The following GNAL variants were observed in gnomAD, a reference collection of about 807,000 sequenced individuals.
The protein encoded by GNAL is G protein subunit alpha L.
A neutral mutation model predicts 55.1 loss-of-function variants in GNAL; 18 were observed. That is an observed-to-expected ratio of 0.33 (90% confidence interval 0.23 to 0.48). The LOEUF is 0.48. Among genes scored for constraint, GNAL ranks in the 20% least tolerant of loss-of-function variants. GNAL has a pLI of 0.99. For missense variants in GNAL, 412 were observed against 614.1 expected (o/e 0.67, Z 3.48); for synonymous variants, 253 against 237.0 (o/e 1.07, Z -0.62).
chr18:11,862,302 G>C, intron 5 of GNAL, 93 bp from the exon 6 acceptor site: 1 of 907,384 alleles, frequency 1.1e-6, no homozygotes, highest in East Asian at 2.5e-5. Flanking sequence ...CCCCATCCTT[G>C]CTGTACTTGG....
chr18:11,801,391 A>G (rs964040045), intron 4 of GNAL, among the ~76,000 whole-genome samples: 2 of 152,206 alleles, frequency 1.3e-5, no homozygotes, highest in Non-Finnish European at 2.9e-5. Flanking sequence ...TGTTTCTACT[A>G]AAAATATAAA....
chr18:11,799,183 C>T (rs9962277), intron 4 of GNAL, among the ~76,000 whole-genome samples: 36,934 of 151,660 alleles, frequency 0.24, 5,282 homozygotes, highest in African/African-American at 0.4. Context: ...ACTAATGAAC[C>T]CCAGGATCCC....
intron 1 of GNAL, among the ~76,000 whole-genome samples, chr18:11,692,704 C>T (rs1434264515): frequency 1.3e-5 from 2 of 149,340 alleles, no homozygotes; most frequent in East Asian, 4.3e-4. Context: ...ATCACTTGAT[C>T]TCAGGAGTTC....
At chr18:11,782,371 G>A (rs1030351890) in intron 4 of GNAL, among the ~76,000 whole-genome samples, 1 of 152,136 alleles carries the variant, frequency 6.6e-6, no homozygotes, top group South Asian at 2.1e-4. Context: ...CAATGACATG[G>A]ATGGATCTCA....
chr18:11,839,552 CAAA>C (rs3078934), intron 5 of GNAL, among the ~76,000 whole-genome samples: 1 of 81,674 alleles, frequency 1.2e-5, no homozygotes, highest in East Asian at 3.6e-4. Flanking sequence ...GACCTTGCCT[CAAA>C]AAAAAAAAAA....
rs116842665 is a variant in GNAL at position 11,696,075 on chromosome 18, A to G, written c.376+6136A>G. On this transcript the variant is annotated intron_variant, in intron 1 of 11. Coordinates refer to ENST00000334049, the MANE Select transcript of GNAL (RefSeq NM_182978.4). ...AAAGACAATAGTTTTGGAGTTGTGC[A>G]GTGGCCTTGGGCATATCCTTATTAA... is the stretch of plus-strand genomic sequence containing the variant. Among the ~76,000 whole-genome samples the G allele has an allele frequency of 3.2e-3, 493 of 152,324 alleles. 5 individuals are homozygous for G. In the East Asian group the frequency reaches 0.033, roughly 10 times the overall value.
rs114882360 is a variant in GNAL at position 11,723,296 on chromosome 18, T to C, written c.377-29557T>C. Among the ~76,000 whole-genome samples the C allele has an allele frequency of 7.3e-3, 1,105 of 152,354 alleles. 11 individuals are homozygous for C. The highest frequency in any genetic ancestry group is 0.025 in the African/African-American group (1,031 of 41,586). ...GTTCCAATAAAACTTTACAAACACA[T>C]TTGAATTTCGTATAGTTCTCACATG... On this transcript the variant is annotated intron_variant, in intron 1 of 11. Coordinates refer to ENST00000334049, the MANE Select transcript of GNAL (RefSeq NM_182978.4).
At chr18:11,824,763 A>C (rs2035196842) in intron 4 of GNAL, among the ~76,000 whole-genome samples, 155 bp from the exon 5 acceptor site, 1 of 152,178 alleles carries the variant, frequency 6.6e-6, no homozygotes, top group Non-Finnish European at 1.5e-5. Context: ...TATCACACTA[A>C]ACATAGAGTC....
At chr18:11,790,339 A>G (rs920669086) in intron 4 of GNAL, among the ~76,000 whole-genome samples, 1 of 151,848 alleles carries the variant, frequency 6.6e-6, no homozygotes, top group Non-Finnish European at 1.5e-5. Context: ...TGAGGAAGAA[A>G]TTCTCCAGGG....
intron 4 of GNAL, among the ~76,000 whole-genome samples, chr18:11,821,933 G>A (rs1475429658): frequency 1.3e-5 from 2 of 152,260 alleles, no homozygotes; most frequent in Admixed American, 1.3e-4. Context: ...GTGGCCCGGT[G>A]GCCAGAACGC....
chr18:11,833,932 C>G (rs2143699106), intron 5 of GNAL, among the ~76,000 whole-genome samples: 1 of 152,318 alleles, frequency 6.6e-6, no homozygotes, highest in South Asian at 2.1e-4. Flanking sequence ...CTTGTATTCG[C>G]TTCTGCCTGC....
chr18:11,794,191 T>C (rs1270060158), intron 4 of GNAL, among the ~76,000 whole-genome samples: 1 of 152,232 alleles, frequency 6.6e-6, no homozygotes, highest in Non-Finnish European at 1.5e-5. Flanking sequence ...AACAGTTTGG[T>C]TGTTTCTCAA....
At chr18:11,740,644 G>A (rs1427574955) in intron 1 of GNAL, among the ~76,000 whole-genome samples, 2 of 152,098 alleles carry the variant, frequency 1.3e-5, no homozygotes, top group Non-Finnish European at 1.5e-5. Flanking sequence ...TGTGTGTGTT[G>A]CCTCTTCCTT....
intron 4 of GNAL, among the ~76,000 whole-genome samples, chr18:11,802,815 G>A (rs1431381927): frequency 2.0e-5 from 3 of 152,122 alleles, no homozygotes; most frequent in Non-Finnish European, 2.9e-5. Flanking sequence ...CATTTTCTCC[G>A]GGGCTGCGGA....
At chr18:11,759,470 G>A (rs2033167925) in intron 4 of GNAL, among the ~76,000 whole-genome samples, 1 of 152,250 alleles carries the variant, frequency 6.6e-6, no homozygotes, top group Admixed American at 6.5e-5. Context: ...ATTACCCAGA[G>A]AGCAGAGGTC....
chr18:11,746,997 T>C, intron 1 of GNAL: 1 of 512,702 alleles, frequency 2.0e-6, no homozygotes, highest in Non-Finnish European at 4.0e-6. Flanking sequence ...ACAGATAGCA[T>C]GGTGATCTTC....
chr18:11,722,922 AAT>A (rs2032128925), intron 1 of GNAL, among the ~76,000 whole-genome samples: 1 of 152,008 alleles, frequency 6.6e-6, no homozygotes. Flanking sequence ...GAGGCAGGAG[AAT>A]CACTTGAACC....
At chr18:11,730,211 G>A (rs965329958) in intron 1 of GNAL, among the ~76,000 whole-genome samples, 3 of 149,590 alleles carry the variant, frequency 2.0e-5, no homozygotes, top group Non-Finnish European at 4.4e-5. Context: ...CCAAGCTGGA[G>A]TGCAGTGGCA....
At chr18:11,824,104 TA>T (rs1250403785) in intron 4 of GNAL, among the ~76,000 whole-genome samples, 4 of 152,342 alleles carry the variant, frequency 2.6e-5, no homozygotes, top group Admixed American at 6.5e-5. Flanking sequence ...GTGTAATTTT[TA>T]AAGTTCCTTT....
Sources: allele counts gnomAD v4.1 joint callset (sites outside exome capture counted in the v4.1 genomes callset), GRCh38; gene constraint gnomAD v4.1.1; transcripts MANE v1.5; gene names NCBI Gene and HGNC (gene_info 2026-07-23, HGNC 2026-07-21).